LMF1: variants seen among roughly 807,000 people sequenced by gnomAD.
The protein encoded by LMF1 is transmembrane protein 112.
Under a neutral mutation model 60.6 loss-of-function variants are expected in LMF1, and 68 were observed. The observed-to-expected ratio is 1.12, with a 90% CI of 0.92 to 1.37. LMF1 has a LOEUF of 1.37. LMF1 is among the 40% of genes most tolerant of loss of function. The probability of loss-of-function intolerance (pLI) is 0.00; values close to 1 mark genes in which losing one functional copy is unlikely to be tolerated. For synonymous variants in LMF1, 418 were observed against 324.7 expected (o/e 1.29, Z -3.09); for missense variants, 948 against 767.2 (o/e 1.24, Z -2.78).
chr16:979,627 T>C lies in LMF1; in HGVS notation c.-135+1518A>G, dbSNP rs11866692. 0.11 allele frequency: 52,096 copies of C among 453,932 alleles called. 3,517 individuals carry two copies. The highest frequency in any genetic ancestry group is 0.23 in the African/African-American group (11,455 of 50,054). The allele number at this position is 453,932 out of a possible 1,614,324, so 28.1% of individuals were successfully genotyped here. A position where few individuals can be genotyped will look rare whatever the true frequency, so the allele number is the denominator to read the frequency against. ...TGTGTCCCAGGGACTTGAAGCTTCCTTGGTGGATGGGGAGCCAGGAAGAGG... is the reference window on the plus strand; with the variant it reads ...TGTGTCCCAGGGACTTGAAGCTTCCCTGGTGGATGGGGAGCCAGGAAGAGG... On this transcript the variant is annotated intron_variant, in intron 1 of 6. Transcript: ENST00000570014.
chr16:902,493 TTG>T (rs1345960757), intron 4 of LMF1: 1 of 154,420 alleles, frequency 6.5e-6, no homozygotes, highest in Non-Finnish European at 1.4e-5. Context: ...GCTGGGCTGA[TTG>T]TCTTTCCAGG....
At chr16:856,229 G>A (rs2069180847) in intron 10 of LMF1, among the ~76,000 whole-genome samples, 1 of 152,038 alleles carries the variant, frequency 6.6e-6, no homozygotes, top group Non-Finnish European at 1.5e-5. Flanking sequence ...CCTTGGGCCT[G>A]AGGCTGCCAT....
chr16:854,280 T>G lies in LMF1; in HGVS notation c.*252A>C. On this transcript the variant is annotated 3_prime_UTR_variant, in exon 11 of 11. Coordinates refer to ENST00000262301, the MANE Select transcript of LMF1 (RefSeq NM_022773.4). The stretch of plus-strand genomic sequence containing the variant: ...GCCTCTGGGAGGAGGGTGGGATGGA[T>G]GGGAGATCAGAGCCCCTGGCGCCTG... 1 of 670,556 alleles carries G rather than the reference T, an allele frequency of 1.5e-6. No individual in the cohort carries two copies. The allele number at this position is 670,556 out of a possible 1,614,324, so 41.5% of individuals were successfully genotyped here. A position where few individuals can be genotyped will look rare whatever the true frequency, so the allele number is the denominator to read the frequency against.
At chr16:857,465 G>A (rs1167459542) in intron 10 of LMF1, among the ~76,000 whole-genome samples, 3 of 128,302 alleles carry the variant, frequency 2.3e-5, no homozygotes, top group Admixed American at 1.5e-4. Flanking sequence ...TGGTGTCTCG[G>A]GACGGGTGTG....
At chr16:914,615 C>CCCTT (rs2071223105) in intron 3 of LMF1, among the ~76,000 whole-genome samples, 5 of 116,774 alleles carry the variant, frequency 4.3e-5, no homozygotes, top group Non-Finnish European at 3.7e-5. Flanking sequence ...CTCCCTCCCT[C>CCCTT]CCCATGACCA....
intron 3 of LMF1, 27 bp downstream of exon 3, chr16:934,217 A>T: frequency 6.3e-7 from 1 of 1,599,390 alleles, no homozygotes; most frequent in Non-Finnish European, 8.5e-7. Flanking sequence ...ACTCTCGCAG[A>T]GCTTTCTCTA....
chr16:931,723 G>A lies in LMF1; in HGVS notation c.514+2521C>T, dbSNP rs117766692. 0.032 allele frequency: 41,196 copies of A among 1,287,190 alleles called. 816 individuals carry two copies. Among genetic ancestry groups the A allele is most frequent in the Non-Finnish European group, 0.036 (35,550 of 988,646 alleles). 79.7% of individuals were successfully genotyped at this position (1,287,190 alleles called of 1,614,324 possible). ...GACGCATGGCTGCTCGGAAGGCAGG[G>A]AGAGCACTGCCGAAGCTACTACGAG... On this transcript the variant is annotated intron_variant, in intron 3 of 10. Transcript: ENST00000262301.
intron 3 of LMF1, among the ~76,000 whole-genome samples, chr16:915,838 A>G (rs555065219): frequency 6.6e-6 from 1 of 151,706 alleles, no homozygotes; most frequent in South Asian, 2.1e-4. Flanking sequence ...GGAGCAGGTG[A>G]GATGCAGGGG....
intron 5 of LMF1, among the ~76,000 whole-genome samples, chr16:888,316 G>T (rs970160701): frequency 4.6e-5 from 7 of 152,232 alleles, no homozygotes; most frequent in African/African-American, 1.7e-4. Flanking sequence ...GAATCAGAGT[G>T]TTGGATTTCC....
At position 878,968 on chromosome 16, in the gene LMF1, G is replaced by A. The variant is rs1455501965; in HGVS notation, c.897+602C>T. Among the ~76,000 whole-genome samples, 1 of 152,190 alleles carries A rather than the reference G, an allele frequency of 6.6e-6. No homozygotes were observed. The highest frequency in any genetic ancestry group is 6.5e-5 in the Admixed American group (1 of 15,280). ...GTTTACAGGGAAAAGCAAAGGCTCGGGACTGGCCCAGCCCCCCTGGAGGCA... is the reference window on the plus strand; with the variant it reads ...GTTTACAGGGAAAAGCAAAGGCTCGAGACTGGCCCAGCCCCCCTGGAGGCA... On this transcript the variant is annotated intron_variant, in intron 6 of 10. Transcript: ENST00000262301. The surrounding 1 kb of genome is among the most constrained non-coding windows in gnomAD (Gnocchi z 5.2).
intron 1 of LMF1, among the ~76,000 whole-genome samples, chr16:969,962 C>G (rs572636988): frequency 4.6e-5 from 7 of 152,342 alleles, no homozygotes; most frequent in African/African-American, 1.7e-4. Context: ...TGAGCGTGAA[C>G]TGACTTTTCT....
At chr16:894,594 G>A (rs149221864) in intron 4 of LMF1, among the ~76,000 whole-genome samples, 159 of 152,314 alleles carry the variant, frequency 1.0e-3, no homozygotes, top group Non-Finnish European at 1.7e-3. Flanking sequence ...GCCACCAGTC[G>A]TGGCAGACGC....
intron 3 of LMF1, among the ~76,000 whole-genome samples, chr16:917,659 G>A (rs1005947210): frequency 7.9e-5 from 12 of 152,224 alleles, no homozygotes; most frequent in Non-Finnish European, 1.5e-4. Flanking sequence ...CCTCCCCTAA[G>A]AGACATGCCT....
intron 1 of LMF1, among the ~76,000 whole-genome samples, chr16:969,296 C>T (rs1183232530): frequency 6.6e-6 from 1 of 151,992 alleles, no homozygotes; most frequent in Non-Finnish European, 1.5e-5. Context: ...GCCTGGGCAA[C>T]AGAGTGAGAC....
intron 1 of LMF1, among the ~76,000 whole-genome samples, chr16:978,865 C>T (rs1488894255): frequency 6.6e-6 from 1 of 152,180 alleles, no homozygotes; most frequent in Admixed American, 6.5e-5. Flanking sequence ...GGGTCCATCT[C>T]TTGTCATCAG....
At chr16:955,402 G>A (rs55742377) in intron 1 of LMF1, among the ~76,000 whole-genome samples, 2,333 of 44,006 alleles carry the variant, frequency 0.053, 474 homozygotes, top group African/African-American at 0.35. Context: ...GTGCATACAC[G>A]CACACACATG....
At chr16:946,778 C>T (rs905636621) in intron 2 of LMF1, among the ~76,000 whole-genome samples, 2 of 152,222 alleles carry the variant, frequency 1.3e-5, no homozygotes, top group Non-Finnish European at 2.9e-5. Context: ...AGGGACCTCA[C>T]GTGCCCTGGT....
intron 5 of LMF1, among the ~76,000 whole-genome samples, chr16:890,393 AC>A (rs2070448141): frequency 6.6e-6 from 1 of 152,072 alleles, no homozygotes; most frequent in Non-Finnish European, 1.5e-5. Context: ...TTCCCCAAGG[AC>A]AGCCTCCACA....
chr16:957,013 C>G (rs1023981596), intron 1 of LMF1, among the ~76,000 whole-genome samples: 3 of 151,766 alleles, frequency 2.0e-5, no homozygotes, highest in African/African-American at 7.3e-5. Context: ...AAAAATTAGT[C>G]GGATGTGGTG....
Sources: allele counts gnomAD v4.1 joint callset (sites outside exome capture counted in the v4.1 genomes callset), GRCh38; gene constraint gnomAD v4.1.1; non-coding constraint Gnocchi (gnomAD v3.1); transcripts MANE v1.5; gene names NCBI Gene and HGNC (gene_info 2026-07-23, HGNC 2026-07-21).